The following ST6GALNAC3 variants were observed in gnomAD, a reference collection of about 807,000 sequenced individuals.
ST6GALNAC3 encodes the protein alpha-N-acetylgalactosaminide alpha-2,6-sialyltransferase 3.
In ST6GALNAC3, 25 loss-of-function variants were observed where a neutral mutation model predicts 32.7. The observed-to-expected ratio is 0.76, with a 90% CI of 0.56 to 1.07. The LOEUF (loss-of-function observed/expected upper bound fraction) is 1.07. Among genes scored for constraint, ST6GALNAC3 ranks in the 50% least tolerant of loss-of-function variants. The pLI, the probability that ST6GALNAC3 is intolerant of heterozygous loss-of-function variation, is 0.00. For synonymous variants in ST6GALNAC3, 129 were observed against 133.1 expected (o/e 0.97, Z 0.21); for missense variants, 355 against 382.4 (o/e 0.93, Z 0.60).
chr1:76,515,659 A>G (rs944552949), intron 3 of ST6GALNAC3, among the ~76,000 whole-genome samples: 3 of 152,060 alleles, frequency 2.0e-5, no homozygotes, highest in South Asian at 2.1e-4. Context: ...CCTTTCGTCT[A>G]CTTACCCAGT....
intron 3 of ST6GALNAC3, among the ~76,000 whole-genome samples, chr1:76,569,643 G>A (rs146504780): frequency 1.9e-3 from 282 of 152,016 alleles, no homozygotes; most frequent in African/African-American, 6.5e-3. Flanking sequence ...TCTCCTAATA[G>A]GACTACAATT....
At position 76,375,868 on chromosome 1, in the gene ST6GALNAC3, A is replaced by C. The variant is rs117520498; in HGVS notation, c.214-36140A>C. 2.1e-3 allele frequency among the ~76,000 whole-genome samples: 313 copies of C among 152,352 alleles called. 11 individuals carry two copies. In the East Asian group the frequency reaches 0.055, roughly 27 times the overall value. ...CTCAAAGCTCAAATATAAGTTGATA[A>C]AGCAAGGTAGGGGAAAGTGTGCATA... On this transcript the variant is annotated intron_variant, in intron 2 of 4. Coordinates refer to ENST00000328299, the MANE Select transcript of ST6GALNAC3 (RefSeq NM_152996.4).
At chr1:76,371,679 A>G (rs192416964) in intron 2 of ST6GALNAC3, among the ~76,000 whole-genome samples, 30 of 152,294 alleles carry the variant, frequency 2.0e-4, no homozygotes, top group African/African-American at 7.0e-4. Flanking sequence ...CTATATTATA[A>G]CTTTTGAATG....
rs180682064 is a variant in ST6GALNAC3, at chr1:76,606,936, G to A, written c.624-20516G>A. On this transcript the variant is annotated intron_variant, in intron 3 of 4. Transcript: ENST00000328299. Reference sequence around the variant, plus strand: ...ACAACCCACCACAGTTCTGACACTAGCTACCCAGAGTTAGCATAGACCACA... The same window carrying A: ...ACAACCCACCACAGTTCTGACACTAACTACCCAGAGTTAGCATAGACCACA... Among the ~76,000 whole-genome samples, 563 of 147,964 alleles carry A rather than the reference G, an allele frequency of 3.8e-3. 6 individuals are homozygous for A. Among genetic ancestry groups the A allele is most frequent in the African/African-American group, 0.013 (518 of 39,676 alleles).
intron 3 of ST6GALNAC3, among the ~76,000 whole-genome samples, chr1:76,478,945 A>G (rs1311317145): frequency 6.6e-6 from 1 of 151,444 alleles, no homozygotes; most frequent in Non-Finnish European, 1.5e-5. Flanking sequence ...TTGTATTTTT[A>G]GTAGAGACGG....
chr1:76,358,692 G>A (rs1649689615), intron 2 of ST6GALNAC3, among the ~76,000 whole-genome samples: 6 of 152,002 alleles, frequency 3.9e-5, no homozygotes. Flanking sequence ...TATTTCCCTG[G>A]GTAAGAGTCT....
At position 76,559,829 on chromosome 1, in the gene ST6GALNAC3, G is replaced by T. The variant is rs117113294; in HGVS notation, c.624-67623G>T. 8.7e-3 allele frequency among the ~76,000 whole-genome samples: 1,332 copies of T among 152,264 alleles called. 21 individuals are homozygous for T. Among genetic ancestry groups the T allele is most frequent in the East Asian group, 0.049 (252 of 5,172 alleles). ...TCCCATGCCCCAGAGGTGACAGCAT[G>T]GTGGAGAATGCTACTGTGTGCTGGC... On this transcript the variant is annotated intron_variant, in intron 3 of 4. Transcript: ENST00000328299.
At chr1:76,184,773 T>C (rs1181214405) in intron 1 of ST6GALNAC3, among the ~76,000 whole-genome samples, 1 of 152,126 alleles carries the variant, frequency 6.6e-6, no homozygotes, top group African/African-American at 2.4e-5. Context: ...GGATGCTCAT[T>C]GCATGAAAAG....
At chr1:76,102,005 T>G (rs886278915) in intron 1 of ST6GALNAC3, among the ~76,000 whole-genome samples, 1 of 152,194 alleles carries the variant, frequency 6.6e-6, no homozygotes, top group Admixed American at 6.5e-5. Flanking sequence ...TTTTGCTGTT[T>G]ATGTTCTTCA....
intron 1 of ST6GALNAC3, among the ~76,000 whole-genome samples, chr1:76,312,183 A>G (rs1159818007): frequency 1.3e-5 from 2 of 152,170 alleles, no homozygotes; most frequent in African/African-American, 4.8e-5. Flanking sequence ...TGGGGAAAGG[A>G]TTCCCTAATT....
At chr1:76,247,443 T>A (rs1482410163) in intron 1 of ST6GALNAC3, among the ~76,000 whole-genome samples, 1 of 151,798 alleles carries the variant, frequency 6.6e-6, no homozygotes, top group Non-Finnish European at 1.5e-5. Flanking sequence ...TCCCCCTAAG[T>A]GCTCTGTCCC....
At chr1:76,390,799 G>A (rs1652472302) in intron 2 of ST6GALNAC3, among the ~76,000 whole-genome samples, 1 of 151,804 alleles carries the variant, frequency 6.6e-6, no homozygotes, top group Non-Finnish European at 1.5e-5. Flanking sequence ...GGTTGAACCT[G>A]TAAATTGTTT....
chr1:76,264,853 T>G (rs1008767236), intron 1 of ST6GALNAC3, among the ~76,000 whole-genome samples: 7 of 151,846 alleles, frequency 4.6e-5, no homozygotes, highest in Non-Finnish European at 7.4e-5. Flanking sequence ...CCAAACTGAT[T>G]AGTGATAAAG....
chr1:76,241,373 G>A (rs1557720286), intron 1 of ST6GALNAC3, among the ~76,000 whole-genome samples: 1 of 152,196 alleles, frequency 6.6e-6, no homozygotes, highest in Admixed American at 6.6e-5. Context: ...AGCAGAACCA[G>A]TGTGTGCAGA....
chr1:76,264,215 G>T (rs1218110541), intron 1 of ST6GALNAC3, among the ~76,000 whole-genome samples: 1 of 152,096 alleles, frequency 6.6e-6, no homozygotes, highest in Non-Finnish European at 1.5e-5. Flanking sequence ...TTAGGAGGGA[G>T]TTGGGGTTAG....
intron 3 of ST6GALNAC3, among the ~76,000 whole-genome samples, chr1:76,475,169 G>A (rs1659270579): frequency 6.6e-6 from 1 of 152,086 alleles, no homozygotes; most frequent in African/African-American, 2.4e-5. Context: ...TTTGCAAGAA[G>A]AGCAAAAAAT....
At chr1:76,335,252 T>G (rs1647368306) in intron 2 of ST6GALNAC3, among the ~76,000 whole-genome samples, 1 of 152,226 alleles carries the variant, frequency 6.6e-6, no homozygotes, top group African/African-American at 2.4e-5. Flanking sequence ...TGTCATGAAT[T>G]TGTATGATTA....
intron 1 of ST6GALNAC3, among the ~76,000 whole-genome samples, chr1:76,255,017 A>C (rs1036608220): frequency 2.1e-5 from 3 of 143,468 alleles, no homozygotes; most frequent in Non-Finnish European, 4.5e-5. Flanking sequence ...GGTTTCTGCA[A>C]ATCTCTCTCT....
intron 3 of ST6GALNAC3, among the ~76,000 whole-genome samples, chr1:76,524,458 G>A (rs1213123163): frequency 2.0e-5 from 3 of 151,970 alleles, no homozygotes; most frequent in South Asian, 2.1e-4. Context: ...GATTATATCT[G>A]TCTCTACTAC....
Sources: gnomAD v4.1 joint callset for allele counts (sites outside exome capture counted in the v4.1 genomes callset) on GRCh38, gnomAD v4.1.1 for gene constraint, MANE v1.5 for transcripts, NCBI Gene and HGNC (gene_info 2026-07-23, HGNC 2026-07-21) for gene names.